The following NCAM1 variants were observed in gnomAD, a reference collection of about 807,000 sequenced individuals.
The protein encoded by NCAM1 is neural cell adhesion molecule 1.
Under a neutral mutation model 109.8 loss-of-function variants are expected in NCAM1, and 14 were observed. The ratio of observed to expected loss-of-function variants is 0.13; its 90% confidence interval spans 0.08 to 0.20. NCAM1 has a LOEUF of 0.20. NCAM1 is among the 10% of genes least tolerant of loss of function. The pLI, the probability that NCAM1 is intolerant of heterozygous loss-of-function variation, is 1.00. For missense variants in NCAM1, 774 were observed against 1,109.9 expected (o/e 0.70, Z 4.30); for synonymous variants, 418 against 442.9 (o/e 0.94, Z 0.70).
At chr11:113,056,634 G>A (rs782529333) in intron 1 of NCAM1, among the ~76,000 whole-genome samples, 1 of 152,112 alleles carries the variant, frequency 6.6e-6, no homozygotes, top group Non-Finnish European at 1.5e-5. Flanking sequence ...GACAGCCCTC[G>A]TTCCAGCAGC....
chr11:112,999,076 T>C (rs754919933), intron 1 of NCAM1, among the ~76,000 whole-genome samples: 1 of 152,178 alleles, frequency 6.6e-6, no homozygotes, highest in Non-Finnish European at 1.5e-5. Context: ...AGGGTATATT[T>C]ACAGTAAACC....
intron 1 of NCAM1, among the ~76,000 whole-genome samples, chr11:113,146,187 G>A (rs1555101299): frequency 6.6e-6 from 1 of 152,160 alleles, no homozygotes; most frequent in Non-Finnish European, 1.5e-5. Context: ...CTTGACATTT[G>A]CTTTCAGCGT....
intron 1 of NCAM1, among the ~76,000 whole-genome samples, chr11:113,062,620 G>A (rs1413352503): frequency 6.6e-6 from 1 of 151,886 alleles, no homozygotes; most frequent in Non-Finnish European, 1.5e-5. Flanking sequence ...GAAGGGGTTT[G>A]CTACTTCACA....
At chr11:113,177,108 C>G (rs114630812) in intron 1 of NCAM1, among the ~76,000 whole-genome samples, 280 of 152,320 alleles carry the variant, frequency 1.8e-3, no homozygotes, top group African/African-American at 6.4e-3. Context: ...TTATCTCAGG[C>G]ATATCCTGGG....
intron 1 of NCAM1, among the ~76,000 whole-genome samples, chr11:113,131,447 C>G (rs1941376591): frequency 6.6e-6 from 1 of 152,172 alleles, no homozygotes; most frequent in South Asian, 2.1e-4. Context: ...TAAGGAACAA[C>G]ACACATGCAG....
At chr11:113,098,188 A>G (rs1394241495) in intron 1 of NCAM1, among the ~76,000 whole-genome samples, 1 of 152,174 alleles carries the variant, frequency 6.6e-6, no homozygotes, top group Non-Finnish European at 1.5e-5. Flanking sequence ...ATGGAACTTC[A>G]TTCTAACAGG....
chr11:113,220,600 CTCTTTTTT>C (rs1327105716), intron 8 of NCAM1, among the ~76,000 whole-genome samples: 4 of 102,376 alleles, frequency 3.9e-5, no homozygotes, highest in East Asian at 3.2e-4. Flanking sequence ...CTCTCTCTCT[CTCTTTTTT>C]TTTTTTTTTT....
chr11:113,027,303 G>A (rs140829103), intron 1 of NCAM1, among the ~76,000 whole-genome samples: 1 of 152,278 alleles, frequency 6.6e-6, no homozygotes, highest in East Asian at 1.9e-4. Flanking sequence ...GCATGTAAGT[G>A]GAAATGGCTA....
Position 113,207,857 on chromosome 11 carries a change from G to C in NCAM1, c.771G>C (p.Glu257Asp), listed in dbSNP as rs1369378010. Residue 257 changes from glutamate to aspartate, a missense_variant, in exon 7 of 20, where the codon GAG becomes GAC. By Grantham distance (45) the Glu-to-Asp change is conservative. Transcript: ENST00000316851. ...WTKDGEQIEQ[E>D]EDDEKYIFSD... The stretch of plus-strand genomic sequence containing the variant: ...GGGATGGGGAACAGATAGAGCAAGA[G>C]GAAGACGATGAGAAGTACATCTTCA... 6.2e-7 allele frequency: 1 copy of C among 1,611,344 alleles called. No individual in the cohort carries two copies. The highest frequency in any genetic ancestry group is 8.5e-7 in the Non-Finnish European group (1 of 1,178,790).
chr11:113,037,982 C>T (rs1952946300), intron 1 of NCAM1, among the ~76,000 whole-genome samples: 1 of 152,160 alleles, frequency 6.6e-6, no homozygotes, highest in South Asian at 2.1e-4. Flanking sequence ...AAAACACAGT[C>T]CCAGAGGGCC....
chr11:113,043,345 T>C (rs1424889938), intron 1 of NCAM1, among the ~76,000 whole-genome samples: 1 of 152,150 alleles, frequency 6.6e-6, no homozygotes, highest in Non-Finnish European at 1.5e-5. Context: ...TATTTATTTA[T>C]TTATTTTTTG....
At chr11:113,066,767 G>A (rs1007034932) in intron 1 of NCAM1, among the ~76,000 whole-genome samples, 3 of 152,018 alleles carry the variant, frequency 2.0e-5, no homozygotes, top group African/African-American at 7.2e-5. Flanking sequence ...TTGGGAGGCC[G>A]AGGCGGGTGG....
chr11:113,121,675 C>T (rs1940968256), intron 1 of NCAM1, among the ~76,000 whole-genome samples: 1 of 152,024 alleles, frequency 6.6e-6, no homozygotes, highest in Non-Finnish European at 1.5e-5. Flanking sequence ...ACTCCAGAGG[C>T]TCCTTCTTAT....
At position 113,232,332 on chromosome 11, in the gene NCAM1, C is replaced by A. The variant is rs892204462; in HGVS notation, c.1403C>A (p.Thr468Asn). The A allele has an allele frequency of 4.3e-6, 7 of 1,611,158 alleles. No individual in the cohort carries two copies. Among genetic ancestry groups the A allele is most frequent in the African/African-American group, 1.3e-5 (1 of 74,860 alleles). Residue 468 changes from threonine (T) to asparagine (N), a missense_variant, in exon 11 of 20, where the codon ACC (threonine) becomes AAC (asparagine). Thr to Asn is a moderately conservative substitution (Grantham distance 65). Coordinates refer to ENST00000316851, the MANE Select transcript of NCAM1 (RefSeq NM_181351.5). ...SNYSNIKIYN[T>N]PSASYLEVTP... ...TACAGCAATATCAAGATCTACAACA[C>A]CCCCTCTGCCAGCTATCTGGAGGTG...
At chr11:113,106,128 T>G (rs1940149719) in intron 1 of NCAM1, among the ~76,000 whole-genome samples, 1 of 152,222 alleles carries the variant, frequency 6.6e-6, no homozygotes, top group Non-Finnish European at 1.5e-5. Context: ...AAGTCCTGTC[T>G]TATGGATGAA....
intron 1 of NCAM1, among the ~76,000 whole-genome samples, chr11:113,105,195 G>T (rs1483953371): frequency 1.3e-5 from 2 of 152,172 alleles, no homozygotes; most frequent in African/African-American, 4.8e-5. Context: ...AGTTGAGGTT[G>T]GCAGGTCTGT....
intron 1 of NCAM1, among the ~76,000 whole-genome samples, chr11:112,965,111 G>A (rs1555064990): frequency 1.3e-5 from 2 of 151,906 alleles, no homozygotes; most frequent in African/African-American, 4.8e-5. Context: ...AAAATAGCAG[G>A]ACATATTCTT....
At chr11:113,002,051 T>C (rs1951767541) in intron 1 of NCAM1, among the ~76,000 whole-genome samples, 1 of 152,184 alleles carries the variant, frequency 6.6e-6, no homozygotes, top group African/African-American at 2.4e-5. Flanking sequence ...GGGGTGACTC[T>C]GGTTAGTTCG....
chr11:113,232,079 G>C (rs1383122868), intron 10 of NCAM1, 91 bp from the exon 11 acceptor site: 5 of 1,303,808 alleles, frequency 3.8e-6, no homozygotes, highest in African/African-American at 1.5e-5. Context: ...CTCTGCTTTG[G>C]AGCACACCTG....
Sources: allele counts gnomAD v4.1 joint callset (sites outside exome capture counted in the v4.1 genomes callset), GRCh38; gene constraint gnomAD v4.1.1; transcripts MANE v1.5; gene names NCBI Gene and HGNC (gene_info 2026-07-23, HGNC 2026-07-21).